The following TUBB8 variants were observed in gnomAD, a reference collection of about 807,000 sequenced individuals.
TUBB8 encodes tubulin beta 8 class VIII, also known as tubulin beta-8 chain.
In TUBB8, 25 loss-of-function variants were observed where a neutral mutation model predicts 33.7. The observed-to-expected ratio is 0.74, with a 90% CI of 0.54 to 1.04. TUBB8 has a LOEUF of 1.04. Ranked by LOEUF, TUBB8 falls within the 50% of genes least tolerant of loss-of-function variation. The pLI, the probability that TUBB8 is intolerant of heterozygous loss-of-function variation, is 0.00. For synonymous variants in TUBB8, 245 were observed against 240.1 expected, an observed-to-expected ratio of 1.02 and a Z score of -0.19; for missense variants, 279 against 608.0, an observed-to-expected ratio of 0.46 and a Z score of 5.69.
chr10:66,549 A>C lies in TUBB8; in HGVS notation c.-846+7420T>G, dbSNP rs576214556. On this transcript the variant is annotated intron_variant, in intron 1 of 3. Coordinates refer to the TUBB8 transcript ENST00000564130. ...CTGTAGTCCTAGTTACTCGGGTGAC[A>C]GAGGAGGGAAGATTGCTTGAGCCCA... Among the ~76,000 whole-genome samples the C allele has an allele frequency of 5.1e-3, 773 of 152,364 alleles. 3 individuals are homozygous for C. Among genetic ancestry groups the C allele is most frequent in the African/African-American group, 0.018 (729 of 41,582 alleles).
chr10:48,536 G>A (rs782137050), intron 3 of TUBB8, 79 bp downstream of exon 3: 6 of 1,382,610 alleles, frequency 4.3e-6, no homozygotes, highest in Non-Finnish European at 6.2e-6. Context: ...ACAGTTCCCA[G>A]AGGATGACCT....
At chr10:72,383 A>AC (rs1397217120) in intron 1 of TUBB8, among the ~76,000 whole-genome samples, 2 of 151,742 alleles carry the variant, frequency 1.3e-5, no homozygotes, top group Admixed American at 6.6e-5. Flanking sequence ...ACATGGTGAA[A>AC]CCCCACCTCT....
downstream of TUBB8, among the ~76,000 whole-genome samples, chr10:46,588 C>G (rs1163770422): frequency 7.3e-6 from 1 of 137,538 alleles, no homozygotes; most frequent in East Asian, 2.1e-4. Flanking sequence ...GTCACTGACC[C>G]CTTTTAACGT....
intron 1 of TUBB8, among the ~76,000 whole-genome samples, chr10:72,557 CA>C (rs1834751280): frequency 6.6e-6 from 1 of 150,642 alleles, no homozygotes; most frequent in African/African-American, 2.4e-5. Flanking sequence ...GACTCCATGT[CA>C]AAAAAAGAAA....
At chr10:52,877 G>A (rs2131817428), upstream of TUBB8, among the ~76,000 whole-genome samples, 1 of 152,292 alleles carries the variant, frequency 6.6e-6, no homozygotes, top group Non-Finnish European at 1.5e-5. Flanking sequence ...TAAACTAGAA[G>A]CTTGGTAACC....
intron 1 of TUBB8, among the ~76,000 whole-genome samples, chr10:65,975 C>T (rs1421168317): frequency 2.0e-5 from 3 of 152,194 alleles, no homozygotes; most frequent in African/African-American, 7.2e-5. Flanking sequence ...ATCATAAAAA[C>T]ACCCAACAAA....
chr10:54,914 T>C (rs1211336095), intron 1 of TUBB8, among the ~76,000 whole-genome samples: 1 of 152,184 alleles, frequency 6.6e-6, no homozygotes, highest in South Asian at 2.1e-4. Context: ...CCTGACATGA[T>C]GCCCAGCTAA....
rs1442611914 is a variant in TUBB8, at chr10:64,706, T to C, written c.-846+9263A>G. ...ACATACACATCAACACACTCACATA[T>C]GCATACCCCTATACATACTGAAATG... On this transcript the variant is annotated intron_variant, in intron 1 of 3. Coordinates refer to the TUBB8 transcript ENST00000564130. Among the ~76,000 whole-genome samples, 3 of 152,214 alleles carry C rather than the reference T, an allele frequency of 2.0e-5. No individual in the cohort carries two copies. The East Asian group carries it at 5.8e-4, about 29-fold the overall frequency.
upstream of TUBB8, among the ~76,000 whole-genome samples, chr10:75,415 G>A (rs557327518): frequency 6.6e-6 from 1 of 151,274 alleles, no homozygotes; most frequent in African/African-American, 2.4e-5. Context: ...ACCACTTTGG[G>A]AGGCAGAGGT....
rs1554738607 is a variant in TUBB8, at chr10:48,098, T to G, written c.294A>C (p.Gly98=). 2 of 1,613,650 alleles carry G rather than the reference T, an allele frequency of 1.2e-6. No individual in the cohort carries two copies. Among genetic ancestry groups the G allele is most frequent in the East Asian group, 4.5e-5 (2 of 44,862 alleles). Residue 98 remains glycine, a synonymous_variant, in exon 4 of 4, where the codon GGA becomes GGC. Coordinates refer to ENST00000568584, the MANE Select transcript of TUBB8 (RefSeq NM_177987.3). ...TGTAGTGTCCCTTGGCCCAGTTGTT[T>G]CCGGCCCCACACTGACCTGTAAGAC... ...DNFIFGQCGA[G]NNWAKGHYTE...
At chr10:57,019 G>A (rs546000980) in intron 1 of TUBB8, among the ~76,000 whole-genome samples, 2 of 152,264 alleles carry the variant, frequency 1.3e-5, no homozygotes, top group South Asian at 4.1e-4. Flanking sequence ...TATTCTAAAA[G>A]GAAGAAATCA....
rs534855745 is a variant in TUBB8, at chr10:49,090, C to T, written c.57+92G>A. On this transcript the variant is annotated intron_variant, in intron 1 of 3. Transcript: ENST00000568584. ...CGTCCCCGGCAGGGAGCCCAGGGGC[C>T]GCAATGCATGGGCACCGCCCCCGCC... The T allele has an allele frequency of 8.6e-5, 121 of 1,411,666 alleles. No homozygotes were observed. In the African/African-American group the frequency reaches 1.4e-3, roughly 16 times the overall value. The allele number at this position is 1,411,666 out of a possible 1,614,324, so 87.4% of individuals were successfully genotyped here.
At chr10:71,490 G>A (rs868990911) in intron 1 of TUBB8, among the ~76,000 whole-genome samples, 40 of 146,128 alleles carry the variant, frequency 2.7e-4, no homozygotes, top group African/African-American at 8.1e-4. Context: ...AAAATTAGCC[G>A]CATGCCTGTA....
At chr10:62,105 G>A (rs1834610174) in intron 1 of TUBB8, among the ~76,000 whole-genome samples, 1 of 151,906 alleles carries the variant, frequency 6.6e-6, no homozygotes, top group Admixed American at 6.6e-5. Context: ...TGTTATTATT[G>A]ATAAGCACTT....
In TUBB8 at chr10:58,375, AT is replaced by A. The variant is rs561343824; in HGVS notation, c.-845-8143del. Among the ~76,000 whole-genome samples the A allele has an allele frequency of 3.6e-3, 551 of 152,336 alleles. 1 individual carries two copies. The highest frequency in any genetic ancestry group is 0.012 in the African/African-American group (512 of 41,582). On this transcript the variant is annotated intron_variant, in intron 1 of 3. Coordinates refer to the TUBB8 transcript ENST00000564130. The stretch of plus-strand genomic sequence containing the variant: ...CAAAGCTGATTCCACATTTTCAGGT[AT>A]TCTTATAACAATTTTCCACTCCTTT...
intron 1 of TUBB8, among the ~76,000 whole-genome samples, chr10:57,459 TG>T (rs1474755711): frequency 2.0e-5 from 3 of 152,262 alleles, no homozygotes; most frequent in African/African-American, 7.2e-5. Context: ...CTGCACACCC[TG>T]GCTTTTTTAT....
At chr10:48,209 G>C (rs1360402198) in intron 3 of TUBB8, 95 bp from the exon 4 acceptor site, 2 of 1,044,330 alleles carry the variant, frequency 1.9e-6, no homozygotes, top group Non-Finnish European at 2.9e-6. Context: ...CACACGTGAG[G>C]TGAGAGCACC....
chr10:55,580 G>A (rs1467012434), intron 1 of TUBB8, among the ~76,000 whole-genome samples: 3 of 152,208 alleles, frequency 2.0e-5, no homozygotes, highest in Admixed American at 2.0e-4. Context: ...GCCCTAAAGG[G>A]TTTCCCCAGT....
At chr10:64,260 A>G (rs1364122771) in intron 1 of TUBB8, among the ~76,000 whole-genome samples, 4 of 151,600 alleles carry the variant, frequency 2.6e-5, no homozygotes, top group Non-Finnish European at 4.4e-5. Context: ...CTACCATATA[A>G]GTTTATTCAA....
Sources: gnomAD v4.1 joint callset for allele counts (sites outside exome capture counted in the v4.1 genomes callset) on GRCh38, gnomAD v4.1.1 for gene constraint, MANE v1.5 for transcripts, NCBI Gene and HGNC (gene_info 2026-07-23, HGNC 2026-07-21) for gene names.